LRMDA: variants seen among roughly 807,000 people sequenced by gnomAD.
LRMDA encodes leucine-rich melanocyte differentiation-associated protein.
Under a neutral mutation model 29.8 loss-of-function variants are expected in LRMDA, and 18 were observed. The observed-to-expected ratio is 0.60, with a 90% confidence interval of 0.42 to 0.90. LRMDA has a LOEUF of 0.90. Among genes scored for constraint, LRMDA ranks in the 40% least tolerant of loss-of-function variants. LRMDA has a pLI of 0.00. For missense variants in LRMDA, 273 were observed against 273.9 expected (o/e 1.00, Z 0.02); for synonymous variants, 125 against 109.4 (o/e 1.14, Z -0.89).
intron 5 of LRMDA, among the ~76,000 whole-genome samples, chr10:76,064,178 A>C (rs570147252): frequency 1.1e-3 from 171 of 152,348 alleles, no homozygotes; most frequent in African/African-American, 4.0e-3. Context: ...GTACACTGGC[A>C]GAAAAGACAG....
chr10:76,154,913 A>C (rs569093135), intron 5 of LRMDA, among the ~76,000 whole-genome samples: 1 of 152,246 alleles, frequency 6.6e-6, no homozygotes, highest in East Asian at 1.9e-4. Context: ...ATTAAGCAAA[A>C]ATGCAAAAAG....
intron 2 of LRMDA, among the ~76,000 whole-genome samples, chr10:75,698,525 T>C (rs1272422932): frequency 2.0e-5 from 3 of 152,180 alleles, no homozygotes; most frequent in African/African-American, 4.8e-5. Context: ...TTGGTGCAGG[T>C]GTCTAGCACA....
At position 76,197,319 on chromosome 10, in the gene LRMDA, G is replaced by C. The variant is rs542316955; in HGVS notation, c.517-127082G>C. ...TACAGATCATTGCCTTCCTCCATCTGACCTTCTGCTTATACTATTTTTATA... is the reference window on the plus strand; with the variant it reads ...TACAGATCATTGCCTTCCTCCATCTCACCTTCTGCTTATACTATTTTTATA... On this transcript the variant is annotated intron_variant, in intron 5 of 6. Transcript: ENST00000611255. 7.2e-5 allele frequency among the ~76,000 whole-genome samples: 11 copies of C among 152,252 alleles called. No homozygotes were observed. The East Asian group carries it at 1.9e-3, about 27-fold the overall frequency.
At chr10:76,354,052 A>G (rs1417890776) in intron 6 of LRMDA, among the ~76,000 whole-genome samples, 5 of 152,116 alleles carry the variant, frequency 3.3e-5, no homozygotes, top group South Asian at 2.1e-4. Flanking sequence ...TGGGCAGGAA[A>G]CTGTGTTCCT....
intron 2 of LRMDA, among the ~76,000 whole-genome samples, chr10:76,026,978 C>T (rs1848073429): frequency 6.6e-6 from 1 of 152,188 alleles, no homozygotes; most frequent in Admixed American, 6.5e-5. Flanking sequence ...CAAGACATTT[C>T]CTCCCAGCTT....
intron 5 of LRMDA, among the ~76,000 whole-genome samples, chr10:76,210,681 C>T (rs1851619342): frequency 6.6e-6 from 1 of 152,112 alleles, no homozygotes; most frequent in Non-Finnish European, 1.5e-5. Flanking sequence ...AAGAGAGGAA[C>T]AGAAAATGAC....
chr10:75,854,135 T>C (rs1844780394), intron 2 of LRMDA, among the ~76,000 whole-genome samples: 1 of 152,090 alleles, frequency 6.6e-6, no homozygotes, highest in South Asian at 2.1e-4. Context: ...GCTGTGGGAG[T>C]GCAGGAGGAG....
At chr10:75,752,152 G>A (rs557327733) in intron 2 of LRMDA, among the ~76,000 whole-genome samples, 4 of 149,438 alleles carry the variant, frequency 2.7e-5, no homozygotes, top group Admixed American at 1.3e-4. Flanking sequence ...ATATGATTCT[G>A]TTTGGTCATT....
At chr10:76,389,856 T>G (rs748524783) in intron 6 of LRMDA, among the ~76,000 whole-genome samples, 9 of 152,200 alleles carry the variant, frequency 5.9e-5, no homozygotes, top group Non-Finnish European at 1.2e-4. Flanking sequence ...TGCCACATTT[T>G]GTTTATTCAT....
intron 2 of LRMDA, among the ~76,000 whole-genome samples, chr10:76,029,907 T>C (rs541127037): frequency 8.5e-5 from 13 of 152,288 alleles, no homozygotes; most frequent in African/African-American, 2.2e-4. Flanking sequence ...TTTGTTGTTA[T>C]TGTTTAGCAA....
intron 6 of LRMDA, among the ~76,000 whole-genome samples, chr10:76,417,965 G>A (rs1318309400): frequency 6.6e-6 from 1 of 152,080 alleles, no homozygotes; most frequent in Non-Finnish European, 1.5e-5. Flanking sequence ...TCATATATGT[G>A]AAGTTGTCTT....
intron 2 of LRMDA, among the ~76,000 whole-genome samples, chr10:75,575,966 G>T (rs1455104997): frequency 7.1e-6 from 1 of 141,616 alleles, no homozygotes; most frequent in Non-Finnish European, 1.5e-5. Flanking sequence ...AGCCACAGGA[G>T]TTTTTTTTTT....
At position 76,176,228 on chromosome 10, in the gene LRMDA, G is replaced by A. The variant is rs973058875; in HGVS notation, c.516+117445G>A. Among the ~76,000 whole-genome samples, 8 of 152,276 alleles carry A rather than the reference G, an allele frequency of 5.3e-5. No homozygotes were observed. The South Asian group carries it at 1.7e-3, about 32-fold the overall frequency. On this transcript the variant is annotated intron_variant, in intron 5 of 6. Transcript: ENST00000611255. ...CTCACATGACACTTTTCAACACTCT[G>A]TCCTGTACCAGCTTGGCATCCGGCG...
intron 2 of LRMDA, among the ~76,000 whole-genome samples, chr10:75,902,691 T>C (rs971424025): frequency 1.3e-5 from 2 of 152,058 alleles, no homozygotes; most frequent in South Asian, 4.2e-4. Context: ...AAATACTAGA[T>C]AGAGATCTGT....
chr10:76,260,903 T>G (rs973113792), intron 5 of LRMDA: 1 of 152,150 alleles, frequency 6.6e-6, no homozygotes, highest in African/African-American at 2.4e-5. Context: ...GAAGTGAGCA[T>G]TTTTAAGAAA....
intron 5 of LRMDA, among the ~76,000 whole-genome samples, chr10:76,200,566 C>T (rs1851407285): frequency 1.3e-5 from 2 of 152,012 alleles, no homozygotes; most frequent in Admixed American, 6.5e-5. Context: ...CTACAAACAG[C>T]ATGCTGTAAA....
At chr10:76,246,874 A>T (rs1852387706) in intron 5 of LRMDA, among the ~76,000 whole-genome samples, 1 of 152,152 alleles carries the variant, frequency 6.6e-6, no homozygotes, top group African/African-American at 2.4e-5. Context: ...CTGCTAAGGG[A>T]TGAGGGGATA....
chr10:76,535,064 C>T (rs531143154), intron 6 of LRMDA, among the ~76,000 whole-genome samples: 2 of 152,316 alleles, frequency 1.3e-5, no homozygotes, highest in African/African-American at 2.4e-5. Flanking sequence ...CCTTGCATAT[C>T]CTCACACAGG....
chr10:75,663,739 A>G (rs911079368), intron 2 of LRMDA, among the ~76,000 whole-genome samples: 1 of 152,188 alleles, frequency 6.6e-6, no homozygotes, highest in Non-Finnish European at 1.5e-5. Context: ...TTGGTCTGCC[A>G]TCTAGCACTT....
Sources: allele counts gnomAD v4.1 joint callset (sites outside exome capture counted in the v4.1 genomes callset), GRCh38; gene constraint gnomAD v4.1.1; transcripts MANE v1.5; gene names NCBI Gene and HGNC (gene_info 2026-07-23, HGNC 2026-07-21).